Variants in KIF23 observed in about 807,000 individuals in gnomAD.
The protein encoded by KIF23 is kinesin family member 23.
Under a neutral mutation model 137.5 loss-of-function variants are expected in KIF23, and 30 were observed. That is an observed-to-expected ratio of 0.22 (90% CI 0.16 to 0.30). The LOEUF (loss-of-function observed/expected upper bound fraction) is 0.30. Among genes scored for constraint, KIF23 ranks in the 10% least tolerant of loss-of-function variants. The probability of loss-of-function intolerance (pLI) is 1.00; values close to 1 mark genes in which losing one functional copy is unlikely to be tolerated. For synonymous variants in KIF23, 367 were observed against 391.1 expected (o/e 0.94, Z 0.73); for missense variants, 920 against 1,194.3 (o/e 0.77, Z 3.38).
chr15:69,420,357 C>CA (rs1194801144), intron 3 of KIF23, among the ~76,000 whole-genome samples: 1 of 152,138 alleles, frequency 6.6e-6, no homozygotes, highest in Middle Eastern at 3.2e-3. Flanking sequence ...CTTCGGGCCT[C>CA]AGTTTTCTTT....
intron 11 of KIF23, chr15:69,434,355 C>T: frequency 4.2e-6 from 1 of 236,868 alleles, no homozygotes; most frequent in Non-Finnish European, 8.4e-6. Context: ...CCACAGCAAT[C>T]TAATCTTTTT....
intron 16 of KIF23, among the ~76,000 whole-genome samples, 174 bp downstream of exon 16, chr15:69,438,579 T>C (rs2057538157): frequency 6.6e-6 from 1 of 151,882 alleles, no homozygotes; most frequent in South Asian, 2.1e-4. Context: ...GGCCAGATCA[T>C]CTGAGGTCAG....
intron 19 of KIF23, chr15:69,443,998 C>G (rs1390059492): frequency 6.6e-6 from 1 of 151,594 alleles, no homozygotes; most frequent in Non-Finnish European, 1.5e-5. Context: ...TTTGTTGAGT[C>G]TGGGTTTCAC....
chr15:69,436,662 G>A lies in KIF23; in HGVS notation c.1537G>A (p.Glu513Lys). 1 of 1,609,986 alleles carries A rather than the reference G, an allele frequency of 6.2e-7. No homozygotes were observed. ...TGAGCAGACACTTCCAAGGCTGATTGAAGCCTTAGAGAAACGACATAACTT... is the reference window on the plus strand; with the variant it reads ...TGAGCAGACACTTCCAAGGCTGATTAAAGCCTTAGAGAAACGACATAACTT... ...NDEQTLPRLIEALEKRHNLRQ... is the reference protein window; with the variant it reads ...NDEQTLPRLIKALEKRHNLRQ... Residue 513 changes from glutamate (E) to lysine (K), a missense_variant, in exon 15 of 24, where the codon GAA becomes AAA. Transcript: ENST00000679126.
rs375763515 is a variant in KIF23, at chr15:69,426,091, T to C, written c.798T>C (p.Leu266=). The change falls in exon 9 of 24, where the codon CTT becomes CTC. Residue 266 remains leucine, a synonymous_variant. Coordinates refer to ENST00000679126, the MANE Select transcript of KIF23 (RefSeq NM_001367805.3). The part of the protein sequence containing the change: ...TDFVPPQSKL[L]REDKNHNMYV... ...ATAGACCTCCACAATCTAAATTGCT[T>C]CGTGAAGATAAGAACCATAACATGT... 1.3e-5 allele frequency: 20 copies of C among 1,590,936 alleles called. No individual in the cohort carries two copies. The highest frequency in any genetic ancestry group is 1.6e-5 in the Non-Finnish European group (19 of 1,174,904).
At chr15:69,441,225 C>T (rs2140403090) in intron 19 of KIF23, 146 bp downstream of exon 19, 1 of 799,644 alleles carries the variant, frequency 1.3e-6, no homozygotes, top group East Asian at 2.7e-5. Flanking sequence ...GAAAGATTGA[C>T]TTACGGAAAT....
Position 69,446,101 on chromosome 15 carries a change from C to T in KIF23, c.2756+10C>T. 2 of 1,604,692 alleles carry T rather than the reference C, an allele frequency of 1.2e-6. No homozygotes were observed. The highest frequency in any genetic ancestry group is 2.2e-5 in the East Asian group (1 of 44,806). ...AAGAATCACCAAATGGGTAAGTAACCATCAAAAATCTCTGTATAAAAGTTG... is the reference window on the plus strand; with the variant it reads ...AAGAATCACCAAATGGGTAAGTAACTATCAAAAATCTCTGTATAAAAGTTG... On this transcript the variant is annotated intron_variant, in intron 21 of 23. Transcript: ENST00000679126.
chr15:69,442,610 G>A (rs1391563752), intron 19 of KIF23, among the ~76,000 whole-genome samples: 1 of 152,146 alleles, frequency 6.6e-6, no homozygotes, highest in African/African-American at 2.4e-5. Flanking sequence ...TCTTTACTTT[G>A]CAGATTTTTC....
Position 69,426,398 on chromosome 15 carries a change from G to T in KIF23, c.952G>T (p.Val318Leu). Residue 318 changes from valine to leucine, a missense_variant, in exon 10 of 24, where the codon GTG (valine) becomes TTG (leucine). Physicochemically the swap from Val to Leu is conservative, Grantham distance 32. This residue lies in a region of KIF23 where 714 missense variants were observed against 866.2 expected (regional missense o/e 0.82). Coordinates refer to ENST00000679126, the MANE Select transcript of KIF23 (RefSeq NM_001367805.3). Reference sequence around the variant, plus strand: ...TCGTGAGTCCAGCCGTTCCCATAGCGTGTTCAACATTAAATTAGTTCAGGC... The same window carrying T: ...TCGTGAGTCCAGCCGTTCCCATAGCTTGTTCAACATTAAATTAGTTCAGGC... The part of the protein sequence containing the change: ...LNRESSRSHS[V>L]FNIKLVQAPL... The T allele has an allele frequency of 1.2e-6, 2 of 1,613,938 alleles. No individual in the cohort carries two copies. The highest frequency in any genetic ancestry group is 8.5e-7 in the Non-Finnish European group (1 of 1,179,826).
chr15:69,446,326 G>C lies in KIF23; in HGVS notation c.2800G>C (p.Asp934His). The C allele has an allele frequency of 6.2e-7, 1 of 1,614,150 alleles. No homozygotes were observed. The highest frequency in any genetic ancestry group is 8.5e-7 in the Non-Finnish European group (1 of 1,179,978). The stretch of plus-strand genomic sequence containing the variant: ...TTCCACAGTAGCACCTGCCCAACCA[G>C]ATGGTGCAGAGTCTGAATGGACCGA... ...RSSTVAPAQPDGAESEWTDVE... is the reference protein window; with the variant it reads ...RSSTVAPAQPHGAESEWTDVE... The change falls in exon 22 of 24, where the codon GAT (aspartate) becomes CAT (histidine). Residue 934 changes from aspartate to histidine, a missense_variant. Asp to His is a moderately conservative substitution (Grantham distance 81, BLOSUM62 -1). Transcript: ENST00000679126.
chr15:69,446,140 C>A, intron 21 of KIF23, 49 bp downstream of exon 21: 2 of 1,530,134 alleles, frequency 1.3e-6, no homozygotes, highest in African/African-American at 1.4e-5. Context: ...ATTTTCTTAG[C>A]TGCTCATTTT....
intron 4 of KIF23, 59 bp downstream of exon 4, chr15:69,421,811 C>T: frequency 7.4e-7 from 1 of 1,353,948 alleles, no homozygotes; most frequent in South Asian, 1.2e-5. Flanking sequence ...TCTGATAAAA[C>T]TTTTTTGATA....
intron 19 of KIF23, among the ~76,000 whole-genome samples, chr15:69,441,701 A>G (rs912062888): frequency 2.3e-5 from 1 of 42,860 alleles, no homozygotes; most frequent in Admixed American, 2.1e-4. Flanking sequence ...ATCACATCCA[A>G]GAAAATCAAC....
chr15:69,431,681 A>G (rs1351090876), intron 11 of KIF23, among the ~76,000 whole-genome samples: 1 of 152,118 alleles, frequency 6.6e-6, no homozygotes, highest in South Asian at 2.1e-4. Context: ...AATGGAGAGG[A>G]ACAAGCTGAG....
At chr15:69,435,826 T>A (rs1177603690) in intron 13 of KIF23, 55 bp downstream of exon 13, 1 of 1,576,714 alleles carries the variant, frequency 6.3e-7, no homozygotes, top group Admixed American at 1.9e-5. Flanking sequence ...GGAAAACAGT[T>A]ACTTGGATGA....
chr15:69,434,836 C>T, intron 11 of KIF23: 1 of 896,896 alleles, frequency 1.1e-6, no homozygotes, highest in Admixed American at 2.0e-5. Flanking sequence ...GCAGTAATGT[C>T]CAGGCACAGG....
Position 69,444,664 on chromosome 15 carries a change from A to G in KIF23, c.2422-126A>G. On this transcript the variant is annotated intron_variant, in intron 19 of 23. Coordinates refer to ENST00000679126, the MANE Select transcript of KIF23 (RefSeq NM_001367805.3). This position sits in a 1 kb window ranked among gnomAD's most constrained non-coding sequence, Gnocchi z 4.2. ...GTTTAAATGCAAAGATCATGTTTAA[A>G]TTACTTGAATAAAATATTTAGCTTT... 1.1e-6 allele frequency: 1 copy of G among 922,268 alleles called. No homozygotes were observed. The highest frequency in any genetic ancestry group is 1.6e-6 in the Non-Finnish European group (1 of 630,470). 57.1% of individuals were successfully genotyped at this position (922,268 alleles called of 1,614,324 possible). A position where few individuals can be genotyped will look rare whatever the true frequency, so the allele number is the denominator to read the frequency against.
chr15:69,436,378 A>G, intron 14 of KIF23, 117 bp downstream of exon 14: 2 of 1,367,832 alleles, frequency 1.5e-6, no homozygotes, highest in East Asian at 2.3e-5. Flanking sequence ...AACCAAGCAC[A>G]TAATAATTTG....
intron 19 of KIF23, chr15:69,443,456 A>C (rs1458796351): frequency 6.9e-6 from 1 of 145,116 alleles, no homozygotes; most frequent in Non-Finnish European, 1.5e-5. Context: ...GTTCTACCTC[A>C]GCCTCCTGAG....
Sources: allele counts gnomAD v4.1 joint callset (sites outside exome capture counted in the v4.1 genomes callset), GRCh38; gene constraint gnomAD v4.1.1; regional missense constraint gnomAD v4.1.1; non-coding constraint Gnocchi (gnomAD v3.1); transcripts MANE v1.5; gene names NCBI Gene and HGNC (gene_info 2026-07-23, HGNC 2026-07-21).